The following ZDHHC2 variants were observed in gnomAD, a reference collection of about 807,000 sequenced individuals.
ZDHHC2 encodes the protein palmitoyltransferase ZDHHC2.
A neutral mutation model predicts 55.6 loss-of-function variants in ZDHHC2; 51 were observed. The observed-to-expected ratio is 0.92, with a 90% CI of 0.73 to 1.16. ZDHHC2 has a LOEUF of 1.16. Ranked by LOEUF, ZDHHC2 falls within the 50% of genes most tolerant of loss-of-function variation. The probability of loss-of-function intolerance (pLI) is 0.00; values close to 1 mark genes in which losing one functional copy is unlikely to be tolerated. For synonymous variants in ZDHHC2, 199 were observed against 152.9 expected (o/e 1.30, Z -2.22); for missense variants, 491 against 442.4 (o/e 1.11, Z -0.99).
chr8:17,178,459 G>A (rs906688144), intron 1 of ZDHHC2, among the ~76,000 whole-genome samples: 2 of 152,020 alleles, frequency 1.3e-5, no homozygotes, highest in Non-Finnish European at 2.9e-5. Context: ...AATACATAGG[G>A]CTGGAATACT....
chr8:17,209,893 G>A, intron 8 of ZDHHC2, 39 bp from the exon 9 acceptor site: 2 of 1,570,902 alleles, frequency 1.3e-6, no homozygotes, highest in Non-Finnish European at 1.7e-6. Context: ...TAGTAAATAT[G>A]TTCTTTACTC....
intron 1 of ZDHHC2, among the ~76,000 whole-genome samples, chr8:17,168,138 T>C (rs1353074427): frequency 1.3e-5 from 2 of 152,284 alleles, no homozygotes; most frequent in East Asian, 1.9e-4. Flanking sequence ...AGTTTGAGGA[T>C]TTTACATTCT....
chr8:17,219,285 A>T (rs1807801969), intron 12 of ZDHHC2, among the ~76,000 whole-genome samples: 2 of 150,058 alleles, frequency 1.3e-5, no homozygotes, highest in African/African-American at 4.9e-5. Context: ...AAAACAGAAA[A>T]AAAACACTTC....
At chr8:17,171,304 A>G (rs1441917825) in intron 1 of ZDHHC2, among the ~76,000 whole-genome samples, 11 of 152,212 alleles carry the variant, frequency 7.2e-5, no homozygotes, top group Admixed American at 7.2e-4. Flanking sequence ...AGCCTCTTCT[A>G]TTTTAATTTG....
At chr8:17,214,976 A>G (rs185015321) in intron 10 of ZDHHC2, among the ~76,000 whole-genome samples, 111 of 152,328 alleles carry the variant, frequency 7.3e-4, no homozygotes, top group African/African-American at 2.6e-3. Flanking sequence ...GCTGAAGACT[A>G]TTCTCTGGAG....
Position 17,199,546 on chromosome 8 carries a change from T to TGTCTTCGTCTTC in ZDHHC2, c.476+1140_476+1151dup, listed in dbSNP as rs200556191. Among the ~76,000 whole-genome samples, 86 of 40,658 alleles carry TGTCTTCGTCTTC rather than the reference T, an allele frequency of 2.1e-3. 3 individuals are homozygous for TGTCTTCGTCTTC. Among genetic ancestry groups the TGTCTTCGTCTTC allele is most frequent in the African/African-American group, 5.5e-3 (75 of 13,606 alleles). 26.7% of individuals were successfully genotyped at this position (40,658 alleles called of 152,430 possible). On this transcript the variant is annotated intron_variant, in intron 6 of 12. Coordinates refer to ENST00000262096, the MANE Select transcript of ZDHHC2 (RefSeq NM_016353.5). ...GTCTTCGTCTTCTGTCTTCGTCTTCTGTCTTCGTCTTCGTCTTCTTCGTCT... is the reference window on the plus strand; with the variant it reads ...GTCTTCGTCTTCTGTCTTCGTCTTCTGTCTTCGTCTTCGTCTTCGTCTTCGTCTTCTTCGTCT...
chr8:17,202,603 T>G (rs965216190), intron 6 of ZDHHC2, among the ~76,000 whole-genome samples: 8 of 152,154 alleles, frequency 5.3e-5, no homozygotes, highest in African/African-American at 1.7e-4. Context: ...AGAATAAGTC[T>G]TCTTCCTTTT....
At position 17,156,722 on chromosome 8, in the gene ZDHHC2, A is replaced by G; in HGVS notation, c.-2A>G. On this transcript the variant is annotated 5_prime_UTR_variant, in exon 1 of 13. Transcript: ENST00000262096. Reference sequence around the variant, plus strand: ...AGCTGGGCAGGTGGATGCGGCTGGAAGATGGCGCCCTCGGGCCCGGGCAGC... The same window carrying G: ...AGCTGGGCAGGTGGATGCGGCTGGAGGATGGCGCCCTCGGGCCCGGGCAGC... 1 of 1,468,622 alleles carries G rather than the reference A, an allele frequency of 6.8e-7. No homozygotes were observed. Among genetic ancestry groups the G allele is most frequent in the African/African-American group, 1.5e-5 (1 of 67,524 alleles). The allele number at this position is 1,468,622 out of a possible 1,614,324, so 91.0% of individuals were successfully genotyped here.
At chr8:17,191,207 A>C (rs906716238) in intron 3 of ZDHHC2, among the ~76,000 whole-genome samples, 3 of 151,098 alleles carry the variant, frequency 2.0e-5, no homozygotes, top group African/African-American at 7.3e-5. Context: ...TGATCCGCCC[A>C]CCTCAGCCTC....
intron 1 of ZDHHC2, among the ~76,000 whole-genome samples, chr8:17,181,716 G>T (rs996637994): frequency 1.3e-5 from 2 of 152,176 alleles, no homozygotes; most frequent in Non-Finnish European, 2.9e-5. Context: ...TAGAAGACCT[G>T]TCCCAATTAT....
chr8:17,224,306 T>A lies in ZDHHC2; in HGVS notation c.*4085T>A, dbSNP rs1808036086. On this transcript the variant is annotated 3_prime_UTR_variant, in exon 13 of 13. Coordinates refer to ENST00000262096, the MANE Select transcript of ZDHHC2 (RefSeq NM_016353.5). ...GATGTTCATAGCCAGTATTCAGTAT[T>A]TCTGTATTGTTTACAATTGGGGGAA... 6.6e-6 allele frequency: 1 copy of A among 151,718 alleles called. No homozygotes were observed. Among genetic ancestry groups the A allele is most frequent in the Non-Finnish European group, 1.5e-5 (1 of 67,722 alleles). 9.4% of individuals were successfully genotyped at this position (151,718 alleles called of 1,614,324 possible).
intron 1 of ZDHHC2, among the ~76,000 whole-genome samples, chr8:17,163,764 T>G (rs1804469370): frequency 6.6e-6 from 1 of 152,210 alleles, no homozygotes; most frequent in Non-Finnish European, 1.5e-5. Context: ...GCATAGATTC[T>G]TAATGCTGTC....
chr8:17,189,505 G>C (rs1805911037), intron 3 of ZDHHC2, among the ~76,000 whole-genome samples: 1 of 152,198 alleles, frequency 6.6e-6, no homozygotes, highest in Non-Finnish European at 1.5e-5. Context: ...GTACTCAAGA[G>C]ATACTTTTTA....
intron 9 of ZDHHC2, 152 bp downstream of exon 9, chr8:17,210,210 C>A: frequency 9.1e-7 from 1 of 1,095,274 alleles, no homozygotes; most frequent in Non-Finnish European, 1.3e-6. Flanking sequence ...ACCATAATAT[C>A]AGTGTGGAAG....
Position 17,186,319 on chromosome 8 carries a change from T to A in ZDHHC2, c.158-12T>A. 1 of 1,557,390 alleles carries A rather than the reference T, an allele frequency of 6.4e-7. No individual in the cohort carries two copies. Among genetic ancestry groups the A allele is most frequent in the Non-Finnish European group, 8.7e-7 (1 of 1,143,044 alleles). ...GCATATTATAATGATAATTATGTTT[T>A]TCTCATTTTAGTTGTGTGCCTGATG... On this transcript the variant is annotated splice_polypyrimidine_tract_variant and intron_variant, in intron 2 of 12. Coordinates refer to ENST00000262096, the MANE Select transcript of ZDHHC2 (RefSeq NM_016353.5).
At chr8:17,213,648 T>C (rs1443484838) in intron 10 of ZDHHC2, among the ~76,000 whole-genome samples, 4 of 152,162 alleles carry the variant, frequency 2.6e-5, no homozygotes, top group Admixed American at 2.6e-4. Context: ...AACAGTGAAA[T>C]TTCCATAAGA....
intron 1 of ZDHHC2, among the ~76,000 whole-genome samples, chr8:17,168,296 C>G (rs1042055368): frequency 2.0e-5 from 3 of 152,172 alleles, no homozygotes; most frequent in Non-Finnish European, 4.4e-5. Context: ...GCATACACAG[C>G]TCAACAAAGC....
At chr8:17,208,581 T>C (rs1807218800) in intron 8 of ZDHHC2, among the ~76,000 whole-genome samples, 1 of 152,050 alleles carries the variant, frequency 6.6e-6, no homozygotes. Context: ...TAAAGGACAC[T>C]CCAAGCTGTG....
chr8:17,196,290 A>G (rs890667940), intron 4 of ZDHHC2, among the ~76,000 whole-genome samples: 1 of 152,168 alleles, frequency 6.6e-6, no homozygotes, highest in Non-Finnish European at 1.5e-5. Context: ...CGCTAGCCCC[A>G]TGTGGCTGTT....
Sources: allele counts gnomAD v4.1 joint callset (sites outside exome capture counted in the v4.1 genomes callset), GRCh38; gene constraint gnomAD v4.1.1; transcripts MANE v1.5; gene names NCBI Gene and HGNC (gene_info 2026-07-23, HGNC 2026-07-21).